DMD: variants seen among roughly 807,000 people sequenced by gnomAD.
DMD encodes dystrophin.
In DMD, 63 loss-of-function variants were observed where a neutral mutation model predicts 330.1. The observed-to-expected ratio is 0.19, with a 90% CI of 0.16 to 0.24. The LOEUF (loss-of-function observed/expected upper bound fraction) is 0.24, where lower values mean the gene tolerates loss of function less well. Ranked by LOEUF, DMD falls within the 10% of genes least tolerant of loss-of-function variation. The pLI is 1.00. For synonymous variants in DMD, 1,223 were observed against 959.8 expected (o/e 1.27, Z -5.07); for missense variants, 3,344 against 2,684.1 (o/e 1.25, Z -5.43).
At chrX:32,747,042 T>C (rs1388900733) in intron 7 of DMD, among the ~76,000 whole-genome samples, 9 of 112,200 alleles carry the variant, frequency 8.0e-5, no homozygotes, top group Non-Finnish European at 1.7e-4. Flanking sequence ...TTCATTCTTT[T>C]TATGGCTGAA....
intron 43 of DMD, among the ~76,000 whole-genome samples, chrX:32,268,594 G>T (rs1265910456): frequency 9.0e-6 from 1 of 111,116 alleles, no homozygotes; most frequent in Non-Finnish European, 1.9e-5. Context: ...TAGAATCACT[G>T]CCCAAAGAAA....
intron 57 of DMD, among the ~76,000 whole-genome samples, chrX:31,490,300 C>T (rs1205491382): frequency 1.8e-5 from 2 of 112,212 alleles, no homozygotes; most frequent in Non-Finnish European, 3.8e-5. Flanking sequence ...CGGTGGCTCA[C>T]GCCTGTAATC....
Position 31,178,432 on chromosome X carries a change from G to GT in DMD, c.10223+236dup, listed in dbSNP as rs11333372. 51,317 of 682,983 alleles carry GT rather than the reference G, an allele frequency of 0.075. 38 individuals are homozygous for GT. Among genetic ancestry groups the GT allele is most frequent in the African/African-American group, 0.087 (3,518 of 40,303 alleles). The allele number at this position is 682,983 out of a possible 1,213,427, so 56.3% of individuals were successfully genotyped here. On this transcript the variant is annotated intron_variant, in intron 70 of 78. Transcript: ENST00000357033. ...CAATTAGTGGCTGTATTGTGTTGTG[G>GT]TTTTTTTTTTTTTTTCCCCCTGTGA...
At chrX:31,860,805 G>C (rs2093686078) in intron 48 of DMD, among the ~76,000 whole-genome samples, 1 of 112,184 alleles carries the variant, frequency 8.9e-6, no homozygotes, top group Admixed American at 9.5e-5. Flanking sequence ...CCCTGTTCTA[G>C]CCATCAATGT....
intron 16 of DMD, among the ~76,000 whole-genome samples, chrX:32,559,330 T>A (rs960926970): frequency 9.0e-6 from 1 of 111,483 alleles, no homozygotes; most frequent in African/African-American, 3.3e-5. Context: ...GAGTTAATTC[T>A]ATGACCTTAA....
chrX:32,042,239 ACTG>A (rs2147390741), intron 44 of DMD, among the ~76,000 whole-genome samples: 2 of 106,635 alleles, frequency 1.9e-5, no homozygotes, highest in South Asian at 8.4e-4. Flanking sequence ...GCAATAAAGA[ACTG>A]CCTGAGACTG....
intron 50 of DMD, among the ~76,000 whole-genome samples, chrX:31,800,855 T>C (rs1405990132): frequency 1.8e-5 from 2 of 111,766 alleles, no homozygotes; most frequent in East Asian, 5.7e-4. Flanking sequence ...AAGAAGTTCC[T>C]AATCTCCATC....
intron 1 of DMD, among the ~76,000 whole-genome samples, chrX:33,089,064 AT>A (rs747108325): frequency 0.017 from 1,445 of 86,402 alleles, 22 homozygotes; most frequent in African/African-American, 0.059. Flanking sequence ...TACTCAATTC[AT>A]TTTTTTTTTT....
chrX:32,883,823 C>CCAAAAAAAAAAAAAAA lies in DMD; in HGVS notation c.94-34004_94-34003insTTTTTTTTTTTTTTTG, dbSNP rs1169678184. ...TGGGTGACAGAGCAAGACTCTGTTT[C>CCAAAAAAAAAAAAAAA]AAAAAAAAAAAAAAAAAAAAAAAAA... is the stretch of plus-strand genomic sequence containing the variant. On this transcript the variant is annotated intron_variant, in intron 2 of 78. Transcript: ENST00000357033. Among the ~76,000 whole-genome samples the CCAAAAAAAAAAAAAAA allele has an allele frequency of 3.6e-4, 11 of 30,352 alleles. 1 individual carries two copies. Among genetic ancestry groups the CCAAAAAAAAAAAAAAA allele is most frequent in the African/African-American group, 1.6e-3 (11 of 6,957 alleles). 26.4% of individuals were successfully genotyped at this position (30,352 alleles called of 115,157 possible).
chrX:31,179,687 C>T (rs997791869), intron 69 of DMD, among the ~76,000 whole-genome samples: 4 of 111,731 alleles, frequency 3.6e-5, no homozygotes, highest in Non-Finnish European at 5.6e-5. Flanking sequence ...ACCAAGTCTA[C>T]ATCCTTGCCA....
intron 11 of DMD, among the ~76,000 whole-genome samples, chrX:32,643,525 A>C (rs1203211802): frequency 1.8e-5 from 2 of 111,195 alleles, no homozygotes; most frequent in East Asian, 5.6e-4. Context: ...ATAAATCAAA[A>C]CACATATCCA....
intron 20 of DMD, among the ~76,000 whole-genome samples, chrX:32,488,113 T>G (rs1436781167): frequency 3.6e-5 from 4 of 111,516 alleles, no homozygotes; most frequent in African/African-American, 1.3e-4. Context: ...ATAAAACATT[T>G]GGGCAAATGT....
intron 62 of DMD, among the ~76,000 whole-genome samples, chrX:31,271,357 G>A (rs2051617872): frequency 9.0e-6 from 1 of 111,658 alleles, no homozygotes; most frequent in Non-Finnish European, 1.9e-5. Flanking sequence ...TGTTGGAAGG[G>A]TCTTGGGTTC....
chrX:32,084,494 A>C, intron 44 of DMD, among the ~76,000 whole-genome samples: 1 of 111,712 alleles, frequency 9.0e-6, no homozygotes, highest in Non-Finnish European at 1.9e-5. Flanking sequence ...AAGACTCAGG[A>C]TATGCCATAT....
intron 1 of DMD, among the ~76,000 whole-genome samples, chrX:33,172,280 G>C (rs2049392005): frequency 9.0e-6 from 1 of 111,209 alleles, no homozygotes; most frequent in Admixed American, 9.6e-5. Flanking sequence ...AATTTATTGA[G>C]TTAAAGCCTA....
intron 29 of DMD, among the ~76,000 whole-genome samples, chrX:32,432,150 G>T (rs1485645085): frequency 8.9e-6 from 1 of 111,837 alleles, no homozygotes; most frequent in Non-Finnish European, 1.9e-5. Context: ...TGCACTCACA[G>T]TGAGAAGACA....
chrX:33,126,727 TAATCTCAGC>T (rs1471422844), intron 1 of DMD, among the ~76,000 whole-genome samples: 3 of 111,835 alleles, frequency 2.7e-5, no homozygotes, highest in African/African-American at 9.7e-5. Flanking sequence ...CATTTAGAGA[TAATCTCAGC>T]AATGTCAGCG....
In DMD at chrX:32,508,905, G is replaced by C. The variant is rs370511902; in HGVS notation, c.2293-7063C>G. Among the ~76,000 whole-genome samples, 7 of 110,334 alleles carry C rather than the reference G, an allele frequency of 6.3e-5. No homozygotes were observed. In the East Asian group the frequency reaches 2.0e-3, roughly 31 times the overall value. On this transcript the variant is annotated intron_variant, in intron 18 of 78. Coordinates refer to ENST00000357033, the MANE Select transcript of DMD (RefSeq NM_004006.3). ...GGCTCACTGCAAGCTCCGCCTCCCG[G>C]GTTCACGCCATTCTCCTTCCTCAGC...
intron 55 of DMD, among the ~76,000 whole-genome samples, chrX:31,518,800 A>C (rs1191649259): frequency 9.0e-6 from 1 of 111,253 alleles, no homozygotes; most frequent in African/African-American, 3.3e-5. Flanking sequence ...AAAGTAACTT[A>C]TACAAATCAT....
Sources: allele counts gnomAD v4.1 joint callset (sites outside exome capture counted in the v4.1 genomes callset), GRCh38; gene constraint gnomAD v4.1.1; transcripts MANE v1.5; gene names NCBI Gene and HGNC (gene_info 2026-07-23, HGNC 2026-07-21).